ANKRD17: variants seen among roughly 807,000 people sequenced by gnomAD.
ANKRD17 encodes the protein ankyrin repeat domain 17.
Under a neutral mutation model 229.7 loss-of-function variants are expected in ANKRD17, and 19 were observed. The observed-to-expected ratio is 0.08, with a 90% CI of 0.06 to 0.12. The LOEUF is 0.12. Among genes scored for constraint, ANKRD17 ranks in the 10% least tolerant of loss-of-function variants. ANKRD17 has a pLI of 1.00. For synonymous variants in ANKRD17, 1,112 were observed against 1,146.1 expected (o/e 0.97, Z 0.60); for missense variants, 2,176 against 3,176.8 (o/e 0.68, Z 7.57).
chr4:73,174,898 A>T (rs1476231044), intron 2 of ANKRD17, among the ~76,000 whole-genome samples: 2 of 152,214 alleles, frequency 1.3e-5, no homozygotes, highest in Non-Finnish European at 2.9e-5. Context: ...GGAAACTATA[A>T]AACACTGTTG....
intron 22 of ANKRD17, among the ~76,000 whole-genome samples, chr4:73,117,480 T>G (rs755464038): frequency 9.2e-5 from 14 of 152,314 alleles, no homozygotes; most frequent in Non-Finnish European, 1.6e-4. Flanking sequence ...TTGATAATGA[T>G]ATGCTAGCTT....
chr4:73,225,398 C>A (rs1216761929), intron 1 of ANKRD17, among the ~76,000 whole-genome samples: 1 of 152,200 alleles, frequency 6.6e-6, no homozygotes, highest in Non-Finnish European at 1.5e-5. Flanking sequence ...TCACTCTCCC[C>A]TTCTCTTCCA....
intron 23 of ANKRD17, among the ~76,000 whole-genome samples, chr4:73,114,927 G>GT (rs1450193884): frequency 5.9e-5 from 9 of 152,178 alleles, no homozygotes; most frequent in African/African-American, 2.2e-4. Flanking sequence ...AAATCAAAAT[G>GT]TATGTCTCCA....
chr4:73,108,352 G>C lies in ANKRD17; in HGVS notation c.4401+5440C>G, dbSNP rs116124414. 6.5e-3 allele frequency among the ~76,000 whole-genome samples: 996 copies of C among 152,282 alleles called. 13 individuals are homozygous for C. The highest frequency in any genetic ancestry group is 0.023 in the African/African-American group (942 of 41,550). ...ATACACGAGACTGAAGTTTAGCAAA[G>C]AAGTCTGGGCTAGAGATACAAATTT... On this transcript the variant is annotated intron_variant, in intron 24 of 33. Coordinates refer to ENST00000358602, the MANE Select transcript of ANKRD17 (RefSeq NM_032217.5).
At chr4:73,235,604 C>T (rs1011678744) in intron 1 of ANKRD17, among the ~76,000 whole-genome samples, 2 of 152,150 alleles carry the variant, frequency 1.3e-5, no homozygotes, top group African/African-American at 4.8e-5. Context: ...TGTACTAAAT[C>T]CACCATTTTT....
At chr4:73,231,731 G>A (rs1743066577) in intron 1 of ANKRD17, among the ~76,000 whole-genome samples, 1 of 152,156 alleles carries the variant, frequency 6.6e-6, no homozygotes, top group African/African-American at 2.4e-5. Context: ...GGTTTTAGCA[G>A]AAAGACCAGG....
chr4:73,124,990 C>T lies in ANKRD17; in HGVS notation c.3415G>A (p.Gly1139Ser), dbSNP rs149296080. ...TCAGACTGGGCTTCAATGTCTGCAC[C>T]ATTGTCCAGCAATATTTCCACAACA... ...VGVVEILLDN[G>S]ADIEAQSERT... Residue 1139 changes from glycine to serine, a missense_variant, in exon 18 of 34, where the codon GGT becomes AGT. This residue lies in a region of ANKRD17 where 178 missense variants were observed against 421.7 expected (regional missense o/e 0.42). Transcript: ENST00000358602. The T allele has an allele frequency of 7.4e-6, 12 of 1,614,032 alleles. No individual in the cohort carries two copies. Among genetic ancestry groups the T allele is most frequent in the Admixed American group, 1.7e-5 (1 of 59,990 alleles).
intron 2 of ANKRD17, among the ~76,000 whole-genome samples, chr4:73,170,653 GGGT>G (rs774695401): frequency 3.7e-4 from 57 of 152,084 alleles, no homozygotes; most frequent in Middle Eastern, 3.4e-3. Context: ...CTGTTCTGAA[GGGT>G]GAGTCTCAGG....
intron 3 of ANKRD17, among the ~76,000 whole-genome samples, chr4:73,159,062 A>G (rs1371989829): frequency 1.3e-5 from 2 of 152,234 alleles, no homozygotes; most frequent in Non-Finnish European, 1.5e-5. Flanking sequence ...CCATAGTTAT[A>G]TTATTATGTG....
intron 1 of ANKRD17, among the ~76,000 whole-genome samples, chr4:73,250,241 T>C (rs1744866584): frequency 6.6e-6 from 1 of 152,122 alleles, no homozygotes; most frequent in African/African-American, 2.4e-5. Context: ...AATAATCTTG[T>C]TTCCCATTCT....
At chr4:73,234,830 T>C (rs551662873) in intron 1 of ANKRD17, among the ~76,000 whole-genome samples, 1 of 152,214 alleles carries the variant, frequency 6.6e-6, no homozygotes, top group African/African-American at 2.4e-5. Flanking sequence ...GGAGAAAGGG[T>C]AGGAGGGAAG....
chr4:73,101,803 AT>A (rs1724034180), intron 25 of ANKRD17, among the ~76,000 whole-genome samples: 1 of 152,150 alleles, frequency 6.6e-6, no homozygotes, highest in South Asian at 2.1e-4. Flanking sequence ...AATTTTAACA[AT>A]TTTGTCAATC....
intron 1 of ANKRD17, among the ~76,000 whole-genome samples, chr4:73,228,257 G>A (rs1271149806): frequency 6.6e-6 from 1 of 152,202 alleles, no homozygotes; most frequent in Non-Finnish European, 1.5e-5. Context: ...TAAGATTTCT[G>A]AAAGTCCATA....
intron 5 of ANKRD17, 97 bp from the exon 6 acceptor site, chr4:73,154,210 A>C: frequency 1.5e-6 from 1 of 648,946 alleles, no homozygotes; most frequent in Non-Finnish European, 2.4e-6. Flanking sequence ...AGAAGACTAC[A>C]ACCATAATAA....
intron 3 of ANKRD17, among the ~76,000 whole-genome samples, chr4:73,159,044 A>C (rs1476130500): frequency 6.6e-6 from 1 of 152,158 alleles, no homozygotes; most frequent in Non-Finnish European, 1.5e-5. Context: ...CTTCCCTTTC[A>C]ATTTTTCCCA....
At chr4:73,213,439 T>C (rs1288932411) in intron 1 of ANKRD17, among the ~76,000 whole-genome samples, 1 of 152,148 alleles carries the variant, frequency 6.6e-6, no homozygotes, top group East Asian at 1.9e-4. Flanking sequence ...AGAGGTTAAA[T>C]GACAAAAGCT....
chr4:73,255,194 C>T (rs113316375), intron 1 of ANKRD17, among the ~76,000 whole-genome samples: 2,871 of 152,258 alleles, frequency 0.019, 59 homozygotes, highest in Non-Finnish European at 0.027. Context: ...TAACCTACTC[C>T]AATGTCTAGA....
intron 1 of ANKRD17, among the ~76,000 whole-genome samples, chr4:73,186,922 G>A (rs1380611130): frequency 1.3e-5 from 2 of 151,936 alleles, no homozygotes; most frequent in East Asian, 3.9e-4. Flanking sequence ...AGCAGCTGCA[G>A]AATATAAATA....
intron 6 of ANKRD17, among the ~76,000 whole-genome samples, chr4:73,153,479 T>C (rs867816612): frequency 3.3e-5 from 5 of 152,166 alleles, no homozygotes; most frequent in Admixed American, 3.3e-4. Context: ...AGACAAAATA[T>C]CTTTCTAGGC....
Sources: allele counts gnomAD v4.1 joint callset (sites outside exome capture counted in the v4.1 genomes callset), GRCh38; gene constraint gnomAD v4.1.1; regional missense constraint gnomAD v4.1.1; transcripts MANE v1.5; gene names NCBI Gene and HGNC (gene_info 2026-07-23, HGNC 2026-07-21).